MTSS1: variants seen among roughly 807,000 people sequenced by gnomAD.
The protein encoded by MTSS1 is MTSS I-BAR domain containing 1, also known as protein MTSS 1.
Under a neutral mutation model 79.0 loss-of-function variants are expected in MTSS1, and 18 were observed. The ratio of observed to expected loss-of-function variants is 0.23; its 90% CI spans 0.16 to 0.34. MTSS1 has a LOEUF of 0.34. MTSS1 is among the 10% of genes least tolerant of loss of function. MTSS1 has a pLI of 1.00. For missense variants in MTSS1, 815 were observed against 986.2 expected (o/e 0.83, Z 2.33); for synonymous variants, 341 against 368.6 (o/e 0.93, Z 0.86).
intron 1 of MTSS1, among the ~76,000 whole-genome samples, chr8:124,711,558 C>CCTATAA (rs1204565820): frequency 6.6e-6 from 1 of 152,088 alleles, no homozygotes; most frequent in African/African-American, 2.4e-5. Context: ...CAGGTTGGGT[C>CCTATAA]GCGCTTTACA....
chr8:124,551,002 C>A lies in MTSS1; in HGVS notation c.*1990G>T, dbSNP rs1015725309. On this transcript the variant is annotated 3_prime_UTR_variant, in exon 14 of 14. Coordinates refer to ENST00000518547, the MANE Select transcript of MTSS1 (RefSeq NM_014751.6). Reference sequence around the variant, plus strand: ...GCTGTGACACTGCTTTTACAATATGCAAAAACACAAGCAGAACTACCCAAG... The same window carrying A: ...GCTGTGACACTGCTTTTACAATATGAAAAAACACAAGCAGAACTACCCAAG... 1 of 152,610 alleles carries A rather than the reference C, an allele frequency of 6.6e-6. No individual in the cohort carries two copies. The highest frequency in any genetic ancestry group is 1.5e-5 in the Non-Finnish European group (1 of 68,024). The allele number at this position is 152,610 out of a possible 1,614,324, so 9.5% of individuals were successfully genotyped here. A position where few individuals can be genotyped will look rare whatever the true frequency, so the allele number is the denominator to read the frequency against.
At chr8:124,617,702 A>G (rs987170082) in intron 3 of MTSS1, among the ~76,000 whole-genome samples, 1 of 152,160 alleles carries the variant, frequency 6.6e-6, no homozygotes, top group African/African-American at 2.4e-5. Context: ...ATGCCACTCA[A>G]AATCAGAGTG....
intron 3 of MTSS1, among the ~76,000 whole-genome samples, chr8:124,649,596 A>T (rs1563930827): frequency 6.6e-6 from 1 of 152,150 alleles, no homozygotes; most frequent in Non-Finnish European, 1.5e-5. Context: ...TTACTCCTCA[A>T]GGTGCTCCAT....
At chr8:124,684,309 G>A (rs1314918915) in intron 3 of MTSS1, among the ~76,000 whole-genome samples, 2 of 152,130 alleles carry the variant, frequency 1.3e-5, no homozygotes, top group Non-Finnish European at 2.9e-5. Flanking sequence ...AATTAATGAC[G>A]CTTTTGTCCA....
In MTSS1 at chr8:124,553,282, T is replaced by C. The variant is rs746207841; in HGVS notation, c.1978A>G (p.Met660Val). The C allele has an allele frequency of 2.5e-6, 4 of 1,614,178 alleles. No individual in the cohort carries two copies. Among genetic ancestry groups the C allele is most frequent in the Non-Finnish European group, 3.4e-6 (4 of 1,180,022 alleles). The change falls in exon 14 of 14, where the codon ATG (methionine) becomes GTG (valine). Residue 660 changes from methionine to valine, a missense_variant. Physicochemically the swap from Met to Val is conservative, Grantham distance 21 (BLOSUM62 1). This residue lies in a region of MTSS1 where 590 missense variants were observed against 620.8 expected (regional missense o/e 0.95). Coordinates refer to ENST00000518547, the MANE Select transcript of MTSS1 (RefSeq NM_014751.6). This position sits in a 1 kb window ranked among gnomAD's most constrained non-coding sequence, Gnocchi z 6.0. ...TGGCCGCTCCACATTGAGGAGGGCATGCTGGTGACACCTTGGGGGCCCTCA... is the reference window on the plus strand; with the variant it reads ...TGGCCGCTCCACATTGAGGAGGGCACGCTGGTGACACCTTGGGGGCCCTCA... The part of the protein sequence containing the change: ...VGEGPQGVTS[M>V]PSSMWSGQAS...
chr8:124,679,999 CT>C (rs1197564304), intron 3 of MTSS1, among the ~76,000 whole-genome samples: 1 of 151,908 alleles, frequency 6.6e-6, no homozygotes, highest in Non-Finnish European at 1.5e-5. Context: ...TCTTTATTAC[CT>C]TCTCCAGAAT....
At chr8:124,605,567 G>T (rs559113564) in intron 3 of MTSS1, among the ~76,000 whole-genome samples, 1 of 129,718 alleles carries the variant, frequency 7.7e-6, no homozygotes, top group Non-Finnish European at 1.6e-5. Flanking sequence ...CTGCCCTCTC[G>T]CTGCCTCCCT....
chr8:124,555,945 G>A (rs555603016), intron 12 of MTSS1, 41 bp from the exon 13 acceptor site: 2 of 1,594,844 alleles, frequency 1.3e-6, no homozygotes, highest in East Asian at 2.2e-5. Context: ...TGCTTTAGGG[G>A]GGGGGCTCAA....
At chr8:124,687,399 A>G (rs148014130) in intron 3 of MTSS1, among the ~76,000 whole-genome samples, 110 of 152,246 alleles carry the variant, frequency 7.2e-4, no homozygotes, top group African/African-American at 2.5e-3. Context: ...CTTAAATCGT[A>G]TTATCCAAAT....
rs188724999 is a variant in MTSS1, at chr8:124,598,973, G to A, written c.209-7738C>T. On this transcript the variant is annotated intron_variant, in intron 3 of 13. Transcript: ENST00000518547. ...GCCACCTCCAACCACTCAATGGCTT[G>A]TGACTTCTGTCTGGACACCAACCAG... Among the ~76,000 whole-genome samples the A allele has an allele frequency of 3.3e-3, 500 of 152,330 alleles. 1 individual carries two copies. Among genetic ancestry groups the A allele is most frequent in the African/African-American group, 0.011 (471 of 41,572 alleles).
intron 3 of MTSS1, among the ~76,000 whole-genome samples, chr8:124,695,608 C>G (rs574162519): frequency 2.6e-5 from 4 of 152,152 alleles, no homozygotes; most frequent in Non-Finnish European, 5.9e-5. Context: ...CTTGTAGTAG[C>G]AAATACCTGG....
At chr8:124,716,110 G>A (rs12547677) in intron 1 of MTSS1, among the ~76,000 whole-genome samples, 23,307 of 152,160 alleles carry the variant, frequency 0.15, 2,049 homozygotes, top group South Asian at 0.24. Flanking sequence ...AGACCAAAGC[G>A]TTGAGGAACG....
At chr8:124,701,451 T>G (rs1397006204) in intron 2 of MTSS1, among the ~76,000 whole-genome samples, 1 of 152,200 alleles carries the variant, frequency 6.6e-6, no homozygotes, top group Admixed American at 6.5e-5. Context: ...TTAAAAATAA[T>G]GACATACATG....
chr8:124,681,375 G>T (rs1459515511), intron 3 of MTSS1, among the ~76,000 whole-genome samples: 1 of 152,096 alleles, frequency 6.6e-6, no homozygotes, highest in African/African-American at 2.4e-5. Context: ...TTTCTGTTTT[G>T]TTTTGTTTTG....
At chr8:124,692,450 A>G (rs532023082) in intron 3 of MTSS1, among the ~76,000 whole-genome samples, 93 of 152,340 alleles carry the variant, frequency 6.1e-4, no homozygotes, top group African/African-American at 2.2e-3. Context: ...CTTGAACACC[A>G]AAGGCAATCC....
In MTSS1 at chr8:124,704,114, A is replaced by G. The variant is rs567704252; in HGVS notation, c.134+16T>C. 6.2e-7 allele frequency: 1 copy of G among 1,611,760 alleles called. No individual in the cohort carries two copies. Among genetic ancestry groups the G allele is most frequent in the Non-Finnish European group, 8.5e-7 (1 of 1,178,018 alleles). On this transcript the variant is annotated intron_variant, in intron 2 of 13. Transcript: ENST00000518547. ...GGATGTTGTCCTTTTCCTGTAGAACATGTGCTTCTACTTACCGAAGCTGGG... is the reference window on the plus strand; with the variant it reads ...GGATGTTGTCCTTTTCCTGTAGAACGTGTGCTTCTACTTACCGAAGCTGGG...
intron 6 of MTSS1, among the ~76,000 whole-genome samples, chr8:124,571,328 T>G (rs1008168130): frequency 2.0e-5 from 3 of 152,196 alleles, no homozygotes; most frequent in African/African-American, 7.2e-5. Context: ...AGTGCAAAAT[T>G]AATCCAGATA....
chr8:124,686,719 T>G (rs988873156), intron 3 of MTSS1, among the ~76,000 whole-genome samples: 1 of 152,116 alleles, frequency 6.6e-6, no homozygotes. Flanking sequence ...CAACCTACAA[T>G]GCACAACACG....
chr8:124,670,502 C>T (rs776918716), intron 3 of MTSS1, among the ~76,000 whole-genome samples: 14 of 151,790 alleles, frequency 9.2e-5, no homozygotes, highest in Admixed American at 3.3e-4. Context: ...AAAGGAGTCT[C>T]GAAAATCAAT....
Sources: allele counts gnomAD v4.1 joint callset (sites outside exome capture counted in the v4.1 genomes callset), GRCh38; gene constraint gnomAD v4.1.1; regional missense constraint gnomAD v4.1.1; non-coding constraint Gnocchi (gnomAD v3.1); transcripts MANE v1.5; gene names NCBI Gene and HGNC (gene_info 2026-07-23, HGNC 2026-07-21).